Variants in PLCG1 observed in about 807,000 individuals in gnomAD.
The protein encoded by PLCG1 is 1-phosphatidylinositol 4,5-bisphosphate phosphodiesterase gamma-1.
In PLCG1, 71 loss-of-function variants were observed where a neutral mutation model predicts 177.8. That is an observed-to-expected ratio of 0.40 (90% CI 0.33 to 0.49). PLCG1 has a LOEUF of 0.49. PLCG1 is among the 20% of genes least tolerant of loss of function. The pLI, the probability that PLCG1 is intolerant of heterozygous loss-of-function variation, is 0.72. For missense variants in PLCG1, 1,281 were observed against 1,709.0 expected (o/e 0.75, Z 4.42); for synonymous variants, 658 against 647.9 (o/e 1.02, Z -0.24).
chr20:41,152,829 G>A (rs975294565), intron 1 of PLCG1, among the ~76,000 whole-genome samples: 1 of 152,274 alleles, frequency 6.6e-6, no homozygotes, highest in African/African-American at 2.4e-5. Context: ...AGAGGAGGGG[G>A]CACCTAGTGT....
Position 41,165,487 on chromosome 20 carries a change from A to G in PLCG1, c.1547A>G (p.Lys516Arg). Reference sequence around the variant, plus strand: ...CACTACTTTGTTCTGACCAGCAGCAAGATCTACTACTCTGAGGAGACCAGC... The same window carrying G: ...CACTACTTTGTTCTGACCAGCAGCAGGATCTACTACTCTGAGGAGACCAGC... ...YPHYFVLTSS[K>R]IYYSEETSSD... is the part of the protein sequence containing the mutation. The change falls in exon 15 of 32, where the codon AAG becomes AGG. Residue 516 changes from lysine (K) to arginine (R), a missense_variant. Physicochemically the swap from Lys to Arg is conservative, Grantham distance 26. Around this residue, in one of 4 missense-constraint regions of PLCG1, gnomAD observed 723 missense variants for 1,030.0 expected, o/e 0.70. Transcript: ENST00000685551. The surrounding 1 kb of genome is among the most constrained non-coding windows in gnomAD (Gnocchi z 6.6). 1 of 1,614,104 alleles carries G rather than the reference A, an allele frequency of 6.2e-7. No individual in the cohort carries two copies.
Position 41,167,748 on chromosome 20 carries a change from A to G in PLCG1, c.2302-104A>G, listed in dbSNP as rs764260281. 151 of 790,188 alleles carry G rather than the reference A, an allele frequency of 1.9e-4. No individual in the cohort carries two copies. The highest frequency in any genetic ancestry group is 3.1e-4 in the Non-Finnish European group (140 of 452,808). The allele number at this position is 790,188 out of a possible 1,614,324, so 48.9% of individuals were successfully genotyped here. ...GAAGGATCCCTGTGGATCAGGTGCAAGTTTGCTGCACTGGGGGAAAGGGAA... is the reference window on the plus strand; with the variant it reads ...GAAGGATCCCTGTGGATCAGGTGCAGGTTTGCTGCACTGGGGGAAAGGGAA... On this transcript the variant is annotated intron_variant, in intron 19 of 31. Transcript: ENST00000685551. This position sits in a 1 kb window ranked among gnomAD's most constrained non-coding sequence, Gnocchi z 4.4.
rs776808837 is a variant in PLCG1, at chr20:41,163,911, G to C, written c.1011-10G>C. The C allele has an allele frequency of 6.2e-7, 1 of 1,614,034 alleles. No individual in the cohort carries two copies. Among genetic ancestry groups the C allele is most frequent in the Non-Finnish European group, 8.5e-7 (1 of 1,179,938 alleles). On this transcript the variant is annotated splice_polypyrimidine_tract_variant and intron_variant, in intron 10 of 31. Transcript: ENST00000685551. The surrounding 1 kb of genome is among the most constrained non-coding windows in gnomAD (Gnocchi z 5.2). ...TGACCATACCTACCTGCCTCTCCTTGCCTATCCAGGTACCTGACCGGGGAC... is the reference window on the plus strand; with the variant it reads ...TGACCATACCTACCTGCCTCTCCTTCCCTATCCAGGTACCTGACCGGGGAC...
intron 1 of PLCG1, among the ~76,000 whole-genome samples, chr20:41,149,837 A>C (rs1236495662): frequency 2.0e-5 from 3 of 152,182 alleles, no homozygotes; most frequent in Admixed American, 1.3e-4. Flanking sequence ...CAGAGCTTCA[A>C]GGAGAGAGGG....
chr20:41,169,037 TC>T, intron 21 of PLCG1, 41 bp from the exon 22 acceptor site: 2 of 1,483,220 alleles, frequency 1.3e-6, no homozygotes, highest in South Asian at 2.3e-5. Context: ...TCATGGGAGT[TC>T]GGGGTGGTTG....
At chr20:41,154,626 G>A (rs554765349) in intron 1 of PLCG1, among the ~76,000 whole-genome samples, 1 of 152,116 alleles carries the variant, frequency 6.6e-6, no homozygotes, top group African/African-American at 2.4e-5. Flanking sequence ...GGGGGAGTCG[G>A]GGTGGGAGCA....
chr20:41,168,644 A>C (rs896311203), intron 20 of PLCG1, 123 bp from the exon 21 acceptor site: 2 of 650,526 alleles, frequency 3.1e-6, no homozygotes, highest in Admixed American at 4.7e-5. Context: ...TGGCAGTGTC[A>C]TCTCCCACTG....
rs754613938 is a variant in PLCG1, at chr20:41,172,821, G to A, written c.3223G>A (p.Asp1075Asn). 6 of 1,614,046 alleles carry A rather than the reference G, an allele frequency of 3.7e-6. No individual in the cohort carries two copies. Among genetic ancestry groups the A allele is most frequent in the East Asian group, 2.2e-5 (1 of 44,896 alleles). Residue 1075 changes from aspartate to asparagine, a missense_variant, in exon 27 of 32, where the codon GAC becomes AAC. Transcript: ENST00000685551. The surrounding 1 kb of genome is among the most constrained non-coding windows in gnomAD (Gnocchi z 7.0). The stretch of plus-strand genomic sequence containing the variant: ...AAGCACCATGCGGGATGAGGCCTTC[G>A]ACCCCTTTGACAAGAGCAGCCTCCG... ...QPSTMRDEAF[D>N]PFDKSSLRGL...
At chr20:41,162,396 G>C in intron 4 of PLCG1, 56 bp from the exon 5 acceptor site, 1 of 1,408,900 alleles carries the variant, frequency 7.1e-7, no homozygotes, top group Non-Finnish European at 1.0e-6. Context: ...TCGACCCACA[G>C]GTCAGAGGTC....
At chr20:41,168,407 C>T (rs1223204815) in intron 20 of PLCG1, among the ~76,000 whole-genome samples, 1 of 152,244 alleles carries the variant, frequency 6.6e-6, no homozygotes, top group Non-Finnish European at 1.5e-5. Context: ...CCATATGCTT[C>T]CAGGTCCCGG....
Position 41,165,709 on chromosome 20 carries a change from G to T in PLCG1, c.1682G>T (p.Gly561Val), listed in dbSNP as rs1235966083. The T allele has an allele frequency of 6.2e-7, 1 of 1,613,826 alleles. No homozygotes were observed. Among genetic ancestry groups the T allele is most frequent in the Admixed American group, 1.7e-5 (1 of 60,030 alleles). The change falls in exon 16 of 32, where the codon GGG (glycine) becomes GTG (valine). Residue 561 changes from glycine to valine, a missense_variant. Gly to Val is a moderately radical substitution (Grantham distance 109, BLOSUM62 -3). Coordinates refer to ENST00000685551, the MANE Select transcript of PLCG1 (RefSeq NM_002660.3). The surrounding 1 kb of genome is among the most constrained non-coding windows in gnomAD (Gnocchi z 6.6). ...FHGKLGAGRD[G>V]RHIAERLLTE... ...GGGAAGCTAGGGGCAGGGCGTGACG[G>T]GCGTCACATCGCTGAGCGCCTGCTT...
rs1255945444 is a variant in PLCG1 at position 41,172,999 on chromosome 20, C to A, written c.3279+122C>A. On this transcript the variant is annotated intron_variant, in intron 27 of 31. Transcript: ENST00000685551. The surrounding 1 kb of genome is among the most constrained non-coding windows in gnomAD (Gnocchi z 7.0). ...ATCAAGGTGGTCAGGGTGGGTGGGG[C>A]CTGAGCTGAGTCTTTGAAGGGGTGA... The A allele has an allele frequency of 1.0e-5, 10 of 1,004,912 alleles. No individual in the cohort carries two copies. The highest frequency in any genetic ancestry group is 1.3e-5 in the Non-Finnish European group (9 of 688,992). 62.2% of individuals were successfully genotyped at this position (1,004,912 alleles called of 1,614,324 possible).
At position 41,164,234 on chromosome 20, in the gene PLCG1, C is replaced by T; in HGVS notation, c.1217+33C>T. 1 of 1,612,276 alleles carries T rather than the reference C, an allele frequency of 6.2e-7. No individual in the cohort carries two copies. The highest frequency in any genetic ancestry group is 8.5e-7 in the Non-Finnish European group (1 of 1,178,872). ...GGAGGCTGGATGACCCAGGGGTTAA[C>T]TTGGCTCCAGGTCTCTCGTTCTAGA... On this transcript the variant is annotated intron_variant, in intron 12 of 31. Coordinates refer to ENST00000685551, the MANE Select transcript of PLCG1 (RefSeq NM_002660.3). The surrounding 1 kb of genome is among the most constrained non-coding windows in gnomAD (Gnocchi z 6.4).
Position 41,173,341 on chromosome 20 carries a change from G to A in PLCG1, c.3280-79G>A, listed in dbSNP as rs1381308392. ...GAGGGCGCGCTGCCTCCACTCCACAGATGCTGACTGAGCCTCCGCAGTGGG... is the reference window on the plus strand; with the variant it reads ...GAGGGCGCGCTGCCTCCACTCCACAAATGCTGACTGAGCCTCCGCAGTGGG... On this transcript the variant is annotated intron_variant, in intron 27 of 31. Transcript: ENST00000685551. The surrounding 1 kb of genome is among the most constrained non-coding windows in gnomAD (Gnocchi z 6.2). 1.4e-6 allele frequency: 2 copies of A among 1,432,358 alleles called. No individual in the cohort carries two copies. The highest frequency in any genetic ancestry group is 5.1e-5 in the Admixed American group (2 of 39,362). 88.7% of individuals were successfully genotyped at this position (1,432,358 alleles called of 1,614,324 possible). A position where few individuals can be genotyped will look rare whatever the true frequency, so the allele number is the denominator to read the frequency against.
At position 41,143,668 on chromosome 20, in the gene PLCG1, G is replaced by A. The variant is rs535101231; in HGVS notation, c.217+5810G>A. 2.6e-5 allele frequency among the ~76,000 whole-genome samples: 4 copies of A among 152,338 alleles called. No homozygotes were observed. The South Asian group carries it at 8.3e-4, about 32-fold the overall frequency. ...GTCCCACCTTGCTGGTAATTGAGCT[G>A]AAGTGCCTGGAGATTTGTGGCTAGA... On this transcript the variant is annotated intron_variant, in intron 1 of 31. Transcript: ENST00000685551.
At position 41,147,533 on chromosome 20, in the gene PLCG1, C is replaced by T. The variant is rs1324755979; in HGVS notation, c.217+9675C>T. 6.6e-6 allele frequency among the ~76,000 whole-genome samples: 1 copy of T among 152,234 alleles called. No homozygotes were observed. The highest frequency in any genetic ancestry group is 1.5e-5 in the Non-Finnish European group (1 of 68,046). ...AAAGAAATCCAAGGTAGCCATCTCTCTCAGTAGGGGAGGTGAGTTCAAAGA... is the reference window on the plus strand; with the variant it reads ...AAAGAAATCCAAGGTAGCCATCTCTTTCAGTAGGGGAGGTGAGTTCAAAGA... On this transcript the variant is annotated intron_variant, in intron 1 of 31. Transcript: ENST00000685551. This position sits in a 1 kb window ranked among gnomAD's most constrained non-coding sequence, Gnocchi z 4.0.
chr20:41,147,795 C>T lies in PLCG1; in HGVS notation c.217+9937C>T, dbSNP rs1379760613. On this transcript the variant is annotated intron_variant, in intron 1 of 31. Coordinates refer to ENST00000685551, the MANE Select transcript of PLCG1 (RefSeq NM_002660.3). The surrounding 1 kb of genome is among the most constrained non-coding windows in gnomAD (Gnocchi z 4.0). Reference sequence around the variant, plus strand: ...CCCGGGAGGCAGAGGTTGCAGTGAGCCAAGATCGCGCCATTGCACTCCAGC... The same window carrying T: ...CCCGGGAGGCAGAGGTTGCAGTGAGTCAAGATCGCGCCATTGCACTCCAGC... 6.6e-6 allele frequency among the ~76,000 whole-genome samples: 1 copy of T among 151,948 alleles called. No homozygotes were observed. The highest frequency in any genetic ancestry group is 2.4e-5 in the African/African-American group (1 of 41,376).
intron 1 of PLCG1, among the ~76,000 whole-genome samples, chr20:41,152,688 TG>T (rs1885070134): frequency 6.6e-6 from 1 of 152,242 alleles, no homozygotes. Context: ...CCCCAGGCCC[TG>T]GGTTTGTGTT....
Position 41,162,553 on chromosome 20 carries a change from G to T in PLCG1, c.597+17G>T. The T allele has an allele frequency of 6.2e-7, 1 of 1,612,736 alleles. No homozygotes were observed. The highest frequency in any genetic ancestry group is 1.7e-5 in the Admixed American group (1 of 60,008). On this transcript the variant is annotated intron_variant, in intron 5 of 31. Coordinates refer to ENST00000685551, the MANE Select transcript of PLCG1 (RefSeq NM_002660.3). ...CGGCTGACGGTAAGTGCCACCCAGG[G>T]CTGTCTGTAGATGGGGGCAGGGGAA...
Sources: gnomAD v4.1 joint callset for allele counts (sites outside exome capture counted in the v4.1 genomes callset) on GRCh38, gnomAD v4.1.1 for gene constraint, gnomAD v4.1.1 regional missense constraint, Gnocchi (gnomAD v3.1) non-coding constraint, MANE v1.5 for transcripts, NCBI Gene and HGNC (gene_info 2026-07-23, HGNC 2026-07-21) for gene names.